GLE1: variants seen among roughly 807,000 people sequenced by gnomAD.
GLE1 encodes the protein GLE1 RNA export mediator, also known as mRNA export factor GLE1.
A neutral mutation model predicts 97.3 loss-of-function variants in GLE1; 78 were observed. That is an observed-to-expected ratio of 0.80 (90% CI 0.67 to 0.97). The LOEUF (loss-of-function observed/expected upper bound fraction) is 0.97. Among genes scored for constraint, GLE1 ranks in the 50% least tolerant of loss-of-function variants. The pLI, the probability that GLE1 is intolerant of heterozygous loss-of-function variation, is 0.00. For missense variants in GLE1, 753 were observed against 857.5 expected, an observed-to-expected ratio of 0.88 and a Z score of 1.52; for synonymous variants, 302 against 313.4, an observed-to-expected ratio of 0.96 and a Z score of 0.39.
chr9:128,528,695 T>G (rs1383497852), intron 9 of GLE1, among the ~76,000 whole-genome samples: 3 of 152,192 alleles, frequency 2.0e-5, no homozygotes, highest in African/African-American at 4.8e-5. Flanking sequence ...AAAACATCAC[T>G]CAGGGAACCT....
intron 1 of GLE1, 122 bp from the exon 2 acceptor site, chr9:128,508,754 A>T: frequency 1.4e-6 from 1 of 714,794 alleles, no homozygotes; most frequent in African/African-American, 1.7e-5. Context: ...TTGTTAATAC[A>T]TTACTTTGGG....
chr9:128,527,431 C>T (rs1367873402), intron 8 of GLE1, 25 bp from the exon 9 acceptor site: 3 of 1,562,488 alleles, frequency 1.9e-6, no homozygotes, highest in South Asian at 1.1e-5. Flanking sequence ...CAGAACACTG[C>T]TTTCTCACTG....
At chr9:128,514,931 C>T (rs939645786) in intron 2 of GLE1, among the ~76,000 whole-genome samples, 6 of 152,124 alleles carry the variant, frequency 3.9e-5, no homozygotes. Context: ...ATTCTCCTGC[C>T]TTAGCCTGCC....
At chr9:128,528,645 T>C (rs1455176017) in intron 9 of GLE1, among the ~76,000 whole-genome samples, 1 of 152,190 alleles carries the variant, frequency 6.6e-6, no homozygotes, top group Non-Finnish European at 1.5e-5. Context: ...TGGCAAATTA[T>C]TAGGATGGCT....
intron 11 of GLE1, among the ~76,000 whole-genome samples, chr9:128,535,096 G>C (rs552306711): frequency 3.7e-4 from 56 of 152,148 alleles, no homozygotes; most frequent in African/African-American, 1.3e-3. Flanking sequence ...CTCTGGGCCA[G>C]GTGCAGTGCC....
chr9:128,528,836 C>T (rs773542323), intron 9 of GLE1: 1 of 152,212 alleles, frequency 6.6e-6, no homozygotes, highest in Non-Finnish European at 1.5e-5. Context: ...GAGAACCAGA[C>T]AAGGAAGAAA....
chr9:128,514,624 G>A (rs922142791), intron 2 of GLE1, among the ~76,000 whole-genome samples: 4 of 151,876 alleles, frequency 2.6e-5, no homozygotes, highest in African/African-American at 9.7e-5. Context: ...CACCATGCCC[G>A]GCTAACTTGT....
intron 3 of GLE1, among the ~76,000 whole-genome samples, chr9:128,517,147 G>A (rs533613030): frequency 3.3e-5 from 5 of 151,870 alleles, no homozygotes; most frequent in Admixed American, 6.6e-5. Context: ...AAAATTAGCC[G>A]GGCATGGTGG....
chr9:128,527,355 G>A (rs1415429807), intron 8 of GLE1, 64 bp downstream of exon 8: 5 of 1,270,874 alleles, frequency 3.9e-6, no homozygotes, highest in South Asian at 1.2e-5. Context: ...TGATCACTTC[G>A]TGTCCCAAAG....
At position 128,509,704 on chromosome 9, in the gene GLE1, A is replaced by C. The variant is rs78503179; in HGVS notation, c.321+607A>C. 7.3e-3 allele frequency among the ~76,000 whole-genome samples: 1,115 copies of C among 152,176 alleles called. 61 individuals carry two copies. In the East Asian group the frequency reaches 0.15, roughly 20 times the overall value. On this transcript the variant is annotated intron_variant, in intron 2 of 15. Coordinates refer to ENST00000309971, the MANE Select transcript of GLE1 (RefSeq NM_001003722.2). Reference sequence around the variant, plus strand: ...CCCAACACAGTGGCTCATGTCCATAATTCCAGTGCTTTGGAAGGCCAAGAC... The same window carrying C: ...CCCAACACAGTGGCTCATGTCCATACTTCCAGTGCTTTGGAAGGCCAAGAC...
intron 1 of GLE1, among the ~76,000 whole-genome samples, chr9:128,506,896 A>G (rs1009579944): frequency 6.6e-6 from 1 of 152,116 alleles, no homozygotes; most frequent in Non-Finnish European, 1.5e-5. Context: ...GGCTCCTGTT[A>G]TTCTCAATAT....
intron 12 of GLE1, 21 bp from the exon 13 acceptor site, chr9:128,537,965 A>G (rs1179249010): frequency 7.2e-7 from 1 of 1,389,194 alleles, no homozygotes; most frequent in Admixed American, 1.7e-5. Flanking sequence ...ATCAATGATA[A>G]CCAAGCTTCT....
intron 1 of GLE1, among the ~76,000 whole-genome samples, chr9:128,508,145 A>C (rs1254454417): frequency 6.9e-6 from 1 of 144,192 alleles, no homozygotes; most frequent in Admixed American, 7.3e-5. Flanking sequence ...GTGCCATTGC[A>C]CTCCAGCCTG....
chr9:128,532,613 T>C (rs2132503194), intron 9 of GLE1: 1 of 494,466 alleles, frequency 2.0e-6, no homozygotes, highest in Non-Finnish European at 2.6e-6. Flanking sequence ...TTAGTTCTTT[T>C]TTCCTCTCTC....
At chr9:128,538,123 C>A (rs771951049) in intron 13 of GLE1, 33 bp downstream of exon 13, 6 of 1,191,454 alleles carry the variant, frequency 5.0e-6, no homozygotes, top group Non-Finnish European at 7.5e-6. Flanking sequence ...AAGAGAAGGC[C>A]AGTGGTTGAG....
intron 9 of GLE1, among the ~76,000 whole-genome samples, chr9:128,530,266 G>A (rs892032098): frequency 6.6e-6 from 1 of 152,138 alleles, no homozygotes; most frequent in Non-Finnish European, 1.5e-5. Context: ...ATGTCTCTTA[G>A]CTGCCTCAAG....
At chr9:128,535,892 C>A (rs1359115097) in intron 11 of GLE1, among the ~76,000 whole-genome samples, 1 of 152,060 alleles carries the variant, frequency 6.6e-6, no homozygotes, top group Non-Finnish European at 1.5e-5. Context: ...GGGAGGATCA[C>A]TTGAACCTGG....
Position 128,504,908 on chromosome 9 carries a change from A to C in GLE1, c.99+4A>C. On this transcript the variant is annotated splice_donor_region_variant and intron_variant, in intron 1 of 15. Coordinates refer to ENST00000309971, the MANE Select transcript of GLE1 (RefSeq NM_001003722.2). ...CGACTGGCTGCTGCGGCGCGAGGTG[A>C]GCGGTGGCCCCGGAGGACGTAGGCC... 1 of 1,596,722 alleles carries C rather than the reference A, an allele frequency of 6.3e-7. No individual in the cohort carries two copies.
intron 7 of GLE1, among the ~76,000 whole-genome samples, chr9:128,526,236 G>A (rs955508087): frequency 6.6e-6 from 1 of 151,876 alleles, no homozygotes; most frequent in Non-Finnish European, 1.5e-5. Flanking sequence ...TGGCCAGGCT[G>A]GTCTCAAACT....
Sources: gnomAD v4.1 joint callset for allele counts (sites outside exome capture counted in the v4.1 genomes callset) on GRCh38, gnomAD v4.1.1 for gene constraint, MANE v1.5 for transcripts, NCBI Gene and HGNC (gene_info 2026-07-23, HGNC 2026-07-21) for gene names.